SIPA1L3: variants seen among roughly 807,000 people sequenced by gnomAD.
SIPA1L3 encodes the protein signal-induced proliferation-associated 1-like protein 3.
In SIPA1L3, 59 loss-of-function variants were observed where a neutral mutation model predicts 150.1. The ratio of observed to expected loss-of-function variants is 0.39; its 90% CI spans 0.32 to 0.49. The LOEUF is 0.49. Among genes scored for constraint, SIPA1L3 ranks in the 20% least tolerant of loss-of-function variants. The pLI is 0.86. For synonymous variants in SIPA1L3, 1,070 were observed against 1,077.6 expected (o/e 0.99, Z 0.14); for missense variants, 2,211 against 2,489.5 (o/e 0.89, Z 2.38).
At chr19:38,055,984 C>T (rs563212150) in intron 2 of SIPA1L3, among the ~76,000 whole-genome samples, 1 of 152,326 alleles carries the variant, frequency 6.6e-6, no homozygotes, top group Non-Finnish European at 1.5e-5. Flanking sequence ...AACATACTGC[C>T]CTGAGACGGC....
intron 1 of SIPA1L3, among the ~76,000 whole-genome samples, chr19:38,014,009 T>C (rs1048375691): frequency 1.0e-4 from 16 of 152,382 alleles, no homozygotes; most frequent in African/African-American, 3.4e-4. Context: ...AGTGGGTATC[T>C]ACTTCATTCT....
At chr19:38,059,372 C>T (rs1303809859) in intron 2 of SIPA1L3, among the ~76,000 whole-genome samples, 4 of 141,514 alleles carry the variant, frequency 2.8e-5, no homozygotes, top group Admixed American at 7.4e-5. Flanking sequence ...TGCACTATCT[C>T]GGCTCACTGC....
At chr19:38,067,527 C>T (rs2145792569) in intron 2 of SIPA1L3, among the ~76,000 whole-genome samples, 1 of 152,182 alleles carries the variant, frequency 6.6e-6, no homozygotes, top group East Asian at 1.9e-4. Context: ...CTTTGGGAGG[C>T]CGAGGCGGGC....
intron 2 of SIPA1L3, among the ~76,000 whole-genome samples, chr19:38,037,860 G>A (rs1378389611): frequency 6.6e-6 from 1 of 152,122 alleles, no homozygotes; most frequent in Admixed American, 6.5e-5. Context: ...CAAGTCTGAG[G>A]GTTCTTTGGA....
chr19:38,036,297 C>A (rs1817989243), intron 2 of SIPA1L3, among the ~76,000 whole-genome samples: 1 of 152,266 alleles, frequency 6.6e-6, no homozygotes, highest in Admixed American at 6.5e-5. Context: ...TTAGCCCAGA[C>A]CTTTCATGCA....
rs1275140073 is a variant in SIPA1L3, at chr19:38,081,833, C to T, written c.268C>T (p.Arg90Trp). The T allele has an allele frequency of 1.9e-6, 3 of 1,613,834 alleles. No individual in the cohort carries two copies. Among genetic ancestry groups the T allele is most frequent in the East Asian group, 2.2e-5 (1 of 44,866 alleles). The change falls in exon 3 of 22, where the codon CGG becomes TGG. Residue 90 changes from arginine (R) to tryptophan (W), a missense_variant. Around this residue, in one of 5 missense-constraint regions of SIPA1L3, gnomAD observed 130 missense variants for 174.5 expected, o/e 0.74. Coordinates refer to ENST00000222345, the MANE Select transcript of SIPA1L3 (RefSeq NM_015073.3). The stretch of plus-strand genomic sequence containing the variant: ...AAGGGTGGCCGACTGGCCGCCCAAG[C>T]GGGAGGCCCTGAGAGAGCACAGCAA... ...RARVADWPPK[R>W]EALREHSNPS...
At chr19:38,035,376 T>C (rs754854933) in intron 2 of SIPA1L3, among the ~76,000 whole-genome samples, 4 of 152,146 alleles carry the variant, frequency 2.6e-5, no homozygotes, top group African/African-American at 7.2e-5. Context: ...GTTGGGAAGT[T>C]CTGCAGGTAA....
In SIPA1L3 at chr19:38,193,632, G is replaced by A. The variant is rs774819625; in HGVS notation, c.4692G>A (p.Glu1564=). ...GCTTCGCCAGCCCCGCTGGCCTAGA[G>A]CCAGGGCTGCCCAGCGACGTGCTCT... ...EPSFASPAGL[E]PGLPSDVLFT... The change falls in exon 18 of 22, where the codon GAG becomes GAA. Residue 1564 remains glutamate, a synonymous_variant. Transcript: ENST00000222345. 18 of 1,579,038 alleles carry A rather than the reference G, an allele frequency of 1.1e-5. No individual in the cohort carries two copies. The African/African-American group carries it at 1.5e-4, about 13-fold the overall frequency.
intron 12 of SIPA1L3, among the ~76,000 whole-genome samples, chr19:38,147,746 C>T (rs1158424237): frequency 6.6e-6 from 1 of 151,264 alleles, no homozygotes. Context: ...TTGATCTATA[C>T]GTATGATCTC....
intron 8 of SIPA1L3, among the ~76,000 whole-genome samples, chr19:38,114,734 G>A (rs539091468): frequency 6.6e-6 from 1 of 152,356 alleles, no homozygotes; most frequent in African/African-American, 2.4e-5. Flanking sequence ...GAGCAACTGT[G>A]CTGGGGAATC....
intron 15 of SIPA1L3, among the ~76,000 whole-genome samples, chr19:38,165,365 G>T (rs974402486): frequency 1.3e-5 from 2 of 152,160 alleles, no homozygotes; most frequent in African/African-American, 2.4e-5. Context: ...TAGTGCTGTG[G>T]CTTGTGGAGA....
chr19:38,076,055 G>A lies in SIPA1L3; in HGVS notation c.-310-5201G>A, dbSNP rs1230405013. On this transcript the variant is annotated intron_variant, in intron 2 of 21. Transcript: ENST00000222345. ...ACTCCAGAGGCTGAGGCAGGAGAAT[G>A]GCGTAACCTGGGAGGCGGAGATTGC... 8.6e-5 allele frequency among the ~76,000 whole-genome samples: 13 copies of A among 151,628 alleles called. No individual in the cohort carries two copies. The East Asian group carries it at 2.5e-3, about 30-fold the overall frequency.
chr19:38,168,645 C>T (rs943642199), intron 15 of SIPA1L3, among the ~76,000 whole-genome samples: 10 of 151,926 alleles, frequency 6.6e-5, no homozygotes, highest in Non-Finnish European at 1.2e-4. Context: ...ATTTGAAATC[C>T]GAGACATAAA....
At chr19:37,993,627 G>A (rs1967566146) in intron 1 of SIPA1L3, among the ~76,000 whole-genome samples, 1 of 152,152 alleles carries the variant, frequency 6.6e-6, no homozygotes, top group Admixed American at 6.5e-5. Context: ...GATCCCTAAC[G>A]GGGGAATCTG....
At chr19:38,103,739 G>T (rs2382972) in intron 6 of SIPA1L3, among the ~76,000 whole-genome samples, 6 of 150,678 alleles carry the variant, frequency 4.0e-5, no homozygotes, top group Non-Finnish European at 7.4e-5. Flanking sequence ...CTGGCTAACA[G>T]GGTGAAACAC....
At chr19:38,099,505 C>T (rs1442302184) in intron 4 of SIPA1L3, among the ~76,000 whole-genome samples, 5 of 152,060 alleles carry the variant, frequency 3.3e-5, no homozygotes, top group South Asian at 2.1e-4. Flanking sequence ...CCTGGTAGGA[C>T]CTGTTTTCTT....
Position 38,121,613 on chromosome 19 carries a change from C to T in SIPA1L3, c.2868+1731C>T, listed in dbSNP as rs191863009. 2.6e-3 allele frequency among the ~76,000 whole-genome samples: 390 copies of T among 151,792 alleles called. 1 individual carries two copies. The highest frequency in any genetic ancestry group is 9.1e-3 in the African/African-American group (377 of 41,356). On this transcript the variant is annotated intron_variant, in intron 9 of 21. Transcript: ENST00000222345. ...AATTAGCCAGGCATGGTGGCGGGTG[C>T]CTGTAGTCCCAGCTACTCGGGAGGC...
chr19:38,050,666 A>G (rs2145759270), intron 2 of SIPA1L3, among the ~76,000 whole-genome samples: 1 of 152,332 alleles, frequency 6.6e-6, no homozygotes, highest in South Asian at 2.1e-4. Flanking sequence ...AATATAGTCA[A>G]AGTTGTCCGA....
intron 2 of SIPA1L3, among the ~76,000 whole-genome samples, chr19:38,073,018 A>C (rs1406501294): frequency 6.6e-6 from 1 of 152,250 alleles, no homozygotes; most frequent in Non-Finnish European, 1.5e-5. Context: ...AGAGGCAATC[A>C]GGATGGCTAC....
Sources: allele counts gnomAD v4.1 joint callset (sites outside exome capture counted in the v4.1 genomes callset), GRCh38; gene constraint gnomAD v4.1.1; regional missense constraint gnomAD v4.1.1; transcripts MANE v1.5; gene names NCBI Gene and HGNC (gene_info 2026-07-23, HGNC 2026-07-21).